ANO2: variants seen among roughly 807,000 people sequenced by gnomAD.
ANO2 encodes anoctamin-2.
In ANO2, 101 loss-of-function variants were observed where a neutral mutation model predicts 124.2. That is an observed-to-expected ratio of 0.81 (90% CI 0.69 to 0.96). ANO2 has a LOEUF of 0.96. Among genes scored for constraint, ANO2 ranks in the 40% least tolerant of loss-of-function variants. ANO2 has a pLI of 0.00. For synonymous variants in ANO2, 486 were observed against 482.5 expected (o/e 1.01, Z -0.09); for missense variants, 1,293 against 1,274.5 (o/e 1.01, Z -0.22).
chr12:5,858,325 GA>G (rs1164658141), intron 3 of ANO2, among the ~76,000 whole-genome samples: 1 of 151,908 alleles, frequency 6.6e-6, no homozygotes, highest in East Asian at 1.9e-4. Context: ...AAAGTAAAAG[GA>G]AAAAATATGT....
chr12:5,771,404 T>C (rs1389245218), intron 10 of ANO2, among the ~76,000 whole-genome samples: 6 of 152,198 alleles, frequency 3.9e-5, no homozygotes, highest in Non-Finnish European at 5.9e-5. Context: ...ATAATGTAGA[T>C]TTAAGCCTCC....
intron 4 of ANO2, among the ~76,000 whole-genome samples, chr12:5,852,784 A>G (rs1378718215): frequency 6.6e-6 from 1 of 151,352 alleles, no homozygotes; most frequent in Non-Finnish European, 1.5e-5. Flanking sequence ...TGATGATGGT[A>G]GTTACAAACA....
At chr12:5,706,231 TATAA>T (rs1359464644) in intron 14 of ANO2, among the ~76,000 whole-genome samples, 1 of 152,158 alleles carries the variant, frequency 6.6e-6, no homozygotes, top group East Asian at 1.9e-4. Flanking sequence ...TATGTTTCTG[TATAA>T]AACTCTGAAG....
chr12:5,819,693 C>T (rs1018969617), intron 7 of ANO2, among the ~76,000 whole-genome samples: 3 of 152,190 alleles, frequency 2.0e-5, no homozygotes, highest in Non-Finnish European at 4.4e-5. Context: ...TGACCAATGC[C>T]TTGTAAAACA....
intron 10 of ANO2, among the ~76,000 whole-genome samples, chr12:5,763,556 C>A (rs184755996): frequency 1.1e-3 from 164 of 152,074 alleles, no homozygotes; most frequent in African/African-American, 3.9e-3. Flanking sequence ...AGTCTGGAAA[C>A]AATCCCTAAA....
chr12:5,610,045 A>ATT (rs1944413936), intron 19 of ANO2, among the ~76,000 whole-genome samples: 1 of 136,468 alleles, frequency 7.3e-6, no homozygotes. Flanking sequence ...ATAAATATAA[A>ATT]TATATTATAT....
chr12:5,749,810 C>T (rs1951383315), intron 11 of ANO2, among the ~76,000 whole-genome samples: 1 of 152,238 alleles, frequency 6.6e-6, no homozygotes, highest in Non-Finnish European at 1.5e-5. Context: ...ATCCTTACAA[C>T]ACTATGACTT....
intron 10 of ANO2, among the ~76,000 whole-genome samples, chr12:5,798,627 C>T (rs1348495991): frequency 1.3e-5 from 2 of 152,204 alleles, no homozygotes; most frequent in Admixed American, 6.5e-5. Context: ...CAGGCTCCAG[C>T]GGCCCATCTT....
chr12:5,601,392 G>C (rs544989389), intron 19 of ANO2, among the ~76,000 whole-genome samples: 1 of 152,046 alleles, frequency 6.6e-6, no homozygotes, highest in South Asian at 2.1e-4. Context: ...AAATTTCATA[G>C]TAAAAAATTT....
chr12:5,803,866 T>C (rs1409505340), intron 9 of ANO2, among the ~76,000 whole-genome samples: 1 of 152,104 alleles, frequency 6.6e-6, no homozygotes, highest in Non-Finnish European at 1.5e-5. Flanking sequence ...AGACTGACAT[T>C]CTCTAGCGCC....
chr12:5,815,043 G>A (rs1252516421), intron 7 of ANO2, among the ~76,000 whole-genome samples: 1 of 152,160 alleles, frequency 6.6e-6, no homozygotes, highest in South Asian at 2.1e-4. Flanking sequence ...TTACTTTGGT[G>A]ACAGTAACAC....
At chr12:5,565,438 G>A in intron 24 of ANO2, 120 bp downstream of exon 24, 1 of 892,984 alleles carries the variant, frequency 1.1e-6, no homozygotes. Context: ...TGCCACACAT[G>A]AAGCTTTCTT....
chr12:5,612,001 A>C (rs1944567836), intron 19 of ANO2, among the ~76,000 whole-genome samples: 1 of 152,228 alleles, frequency 6.6e-6, no homozygotes, highest in Admixed American at 6.5e-5. Context: ...CCACCAGGCA[A>C]TAGGAAGGAA....
chr12:5,897,497 CTG>C (rs1327546984), intron 3 of ANO2, among the ~76,000 whole-genome samples: 1 of 152,102 alleles, frequency 6.6e-6, no homozygotes, highest in Non-Finnish European at 1.5e-5. Flanking sequence ...CAAAAAAAGT[CTG>C]TGAGAGATGC....
intron 3 of ANO2, among the ~76,000 whole-genome samples, chr12:5,891,095 C>T (rs562185695): frequency 6.6e-6 from 1 of 152,284 alleles, no homozygotes; most frequent in South Asian, 2.1e-4. Context: ...GACACGTTCT[C>T]CTTCTATGCC....
intron 14 of ANO2, among the ~76,000 whole-genome samples, chr12:5,729,688 CAA>C (rs57244014): frequency 6.9e-6 from 1 of 145,408 alleles, no homozygotes. Flanking sequence ...AAGCATACGG[CAA>C]AAAAAAAAAA....
chr12:5,868,844 C>T (rs980589560), intron 3 of ANO2, among the ~76,000 whole-genome samples: 3 of 150,858 alleles, frequency 2.0e-5, no homozygotes, highest in African/African-American at 7.5e-5. Context: ...TGATAACAAA[C>T]TGGGCGGCTC....
At chr12:5,691,162 T>A (rs113562926) in intron 14 of ANO2, among the ~76,000 whole-genome samples, 7,682 of 151,760 alleles carry the variant, frequency 0.051, 313 homozygotes, top group Non-Finnish European at 0.077. Context: ...ACCTCGTCTC[T>A]ACTACAAATA....
chr12:5,921,681 T>C (rs1941710417), intron 2 of ANO2, among the ~76,000 whole-genome samples: 1 of 151,726 alleles, frequency 6.6e-6, no homozygotes, highest in Non-Finnish European at 1.5e-5. Context: ...CACTCCTGCC[T>C]CCACACACAG....
Sources: gnomAD v4.1 joint callset for allele counts (sites outside exome capture counted in the v4.1 genomes callset) on GRCh38, gnomAD v4.1.1 for gene constraint, MANE v1.5 for transcripts, NCBI Gene and HGNC (gene_info 2026-07-23, HGNC 2026-07-21) for gene names.